The following ANKRD17 variants were observed in gnomAD, a reference collection of about 807,000 sequenced individuals.
ANKRD17 encodes the protein ankyrin repeat domain-containing protein 17.
A neutral mutation model predicts 229.7 loss-of-function variants in ANKRD17; 19 were observed. The observed-to-expected ratio is 0.08, with a 90% CI of 0.06 to 0.12. The LOEUF (loss-of-function observed/expected upper bound fraction) is 0.12, where lower values mean the gene tolerates loss of function less well. Ranked by LOEUF, ANKRD17 falls within the 10% of genes least tolerant of loss-of-function variation. The pLI is 1.00. For missense variants in ANKRD17, 2,176 were observed against 3,176.8 expected, an observed-to-expected ratio of 0.68 and a Z score of 7.57; for synonymous variants, 1,112 against 1,146.1, an observed-to-expected ratio of 0.97 and a Z score of 0.60.
At position 73,154,064 on chromosome 4, in the gene ANKRD17, T is replaced by C. The variant is rs755290010; in HGVS notation, c.1050A>G (p.Val350=). The C allele has an allele frequency of 1.2e-6, 2 of 1,611,952 alleles. No individual in the cohort carries two copies. The highest frequency in any genetic ancestry group is 2.2e-5 in the East Asian group (1 of 44,778). The part of the protein sequence containing the change: ...YACAGGYVDV[V]KVLLESGASI... The stretch of plus-strand genomic sequence containing the variant: ...TAGCACCGGATTCCAAGAGCACCTT[T>C]ACAACATCTACATAGCCTCCAGCAC... The change falls in exon 6 of 34, where the codon GTA becomes GTG. Residue 350 remains valine (V), a synonymous_variant. Transcript: ENST00000358602.
At chr4:73,149,788 T>G (rs1730760241) in intron 7 of ANKRD17, among the ~76,000 whole-genome samples, 1 of 151,984 alleles carries the variant, frequency 6.6e-6, no homozygotes, top group Admixed American at 6.6e-5. Flanking sequence ...TCATTTGAGC[T>G]CAGGAAGTTG....
At chr4:73,161,382 C>G in intron 2 of ANKRD17, 34 bp from the exon 3 acceptor site, 8 of 1,603,976 alleles carry the variant, frequency 5.0e-6, no homozygotes, top group Non-Finnish European at 6.8e-6. Flanking sequence ...TATGGACACA[C>G]CCAAAAGGAG....
At chr4:73,204,934 G>A (rs1739252451) in intron 1 of ANKRD17, among the ~76,000 whole-genome samples, 1 of 151,912 alleles carries the variant, frequency 6.6e-6, no homozygotes, top group African/African-American at 2.4e-5. Context: ...TTTTTTGTGA[G>A]TAAAAATACT....
chr4:73,158,145 AGG>A (rs1731944355), intron 3 of ANKRD17, among the ~76,000 whole-genome samples: 1 of 134,520 alleles, frequency 7.4e-6, no homozygotes, highest in Non-Finnish European at 1.6e-5. Flanking sequence ...AAAGAAAGAA[AGG>A]AAGAAAAAGA....
chr4:73,076,821 T>G, intron 33 of ANKRD17, 119 bp downstream of exon 33: 1 of 1,244,710 alleles, frequency 8.0e-7, no homozygotes, highest in African/African-American at 1.5e-5. Flanking sequence ...CTATATTAGA[T>G]TTCCTCAACT....
intron 3 of ANKRD17, 84 bp from the exon 4 acceptor site, chr4:73,156,250 T>C: frequency 6.9e-7 from 1 of 1,457,654 alleles, no homozygotes; most frequent in Non-Finnish European, 9.1e-7. Context: ...GATTGTTTTG[T>C]TTTTTGTTGT....
intron 22 of ANKRD17, among the ~76,000 whole-genome samples, chr4:73,117,062 CAT>C (rs1328288856): frequency 2.0e-5 from 3 of 151,782 alleles, no homozygotes; most frequent in East Asian, 3.9e-4. Flanking sequence ...AGAGTAATAA[CAT>C]ATAAAAATAT....
intron 1 of ANKRD17, among the ~76,000 whole-genome samples, chr4:73,198,980 A>C (rs1738270191): frequency 6.6e-6 from 1 of 152,206 alleles, no homozygotes; most frequent in Non-Finnish European, 1.5e-5. Context: ...AAAAACTTAA[A>C]CTACTCTTTG....
chr4:73,153,143 G>A (rs1731218058), intron 6 of ANKRD17, among the ~76,000 whole-genome samples: 1 of 152,140 alleles, frequency 6.6e-6, no homozygotes, highest in Admixed American at 6.5e-5. Flanking sequence ...GTTAGTCACT[G>A]AGAATGAGTG....
At chr4:73,084,696 G>A (rs1483540822) in intron 30 of ANKRD17, among the ~76,000 whole-genome samples, 1 of 152,044 alleles carries the variant, frequency 6.6e-6, no homozygotes, top group Admixed American at 6.6e-5. Flanking sequence ...TGATCCACCC[G>A]CCTTGGCCTA....
chr4:73,116,477 G>A (rs1166446964), intron 22 of ANKRD17, among the ~76,000 whole-genome samples: 1 of 151,934 alleles, frequency 6.6e-6, no homozygotes, highest in Non-Finnish European at 1.5e-5. Flanking sequence ...CTTCTTAAAC[G>A]CCATTCCCAC....
At chr4:73,098,692 T>C (rs765920994) in intron 25 of ANKRD17, 172 bp from the exon 26 acceptor site, 24 of 845,904 alleles carry the variant, frequency 2.8e-5, no homozygotes, top group Middle Eastern at 3.3e-4. Context: ...ATACTCTGTG[T>C]ACCCACGTTC....
intron 1 of ANKRD17, among the ~76,000 whole-genome samples, chr4:73,257,592 AT>A (rs1461524310): frequency 6.6e-6 from 1 of 152,228 alleles, no homozygotes; most frequent in African/African-American, 2.4e-5. Flanking sequence ...ACAAATGTAT[AT>A]GGTCATTTGT....
chr4:73,111,797 T>C (rs183896340), intron 24 of ANKRD17, among the ~76,000 whole-genome samples: 63 of 152,332 alleles, frequency 4.1e-4, no homozygotes, highest in Admixed American at 1.2e-3. Context: ...TTAAAAAAAG[T>C]ACACCATCAC....
At chr4:73,102,673 A>G in intron 24 of ANKRD17, 126 bp from the exon 25 acceptor site, 2 of 1,094,924 alleles carry the variant, frequency 1.8e-6, no homozygotes, top group East Asian at 2.5e-5. Context: ...AGTTCAATTC[A>G]TTGTTTTATC....
Position 73,091,961 on chromosome 4 carries a change from C to T in ANKRD17, c.5667G>A (p.Gln1889=), listed in dbSNP as rs1722837237. ...GAGCAGCAAGCAAAGCATGTGCAAA[C>T]TGTGGAGGAGGATATGCTAATGGAA... is the stretch of plus-strand genomic sequence containing the variant. The part of the protein sequence containing the change: ...VSLPLAYPPP[Q]FAHALLAAQT... Residue 1889 remains glutamine, a synonymous_variant, in exon 29 of 34, where the codon CAG becomes CAA. Coordinates refer to ENST00000358602, the MANE Select transcript of ANKRD17 (RefSeq NM_032217.5). 6.2e-7 allele frequency: 1 copy of T among 1,614,178 alleles called. No individual in the cohort carries two copies. The highest frequency in any genetic ancestry group is 8.5e-7 in the Non-Finnish European group (1 of 1,180,036).
intron 29 of ANKRD17, among the ~76,000 whole-genome samples, chr4:73,089,396 C>T (rs929165353): frequency 2.0e-5 from 3 of 151,990 alleles, no homozygotes; most frequent in Non-Finnish European, 4.4e-5. Flanking sequence ...AGGCAGCAGG[C>T]CAAATTTGGC....
intron 20 of ANKRD17, among the ~76,000 whole-genome samples, chr4:73,120,602 T>C (rs1403760560): frequency 1.3e-5 from 2 of 151,324 alleles, no homozygotes; most frequent in Non-Finnish European, 2.9e-5. Flanking sequence ...ACTTGGCATA[T>C]AACTGGTACT....
chr4:73,090,593 T>G, intron 29 of ANKRD17, 74 bp downstream of exon 29: 3 of 1,567,760 alleles, frequency 1.9e-6, no homozygotes, highest in Non-Finnish European at 2.6e-6. Context: ...ATAAAAATAT[T>G]AGAAAATGAC....
Sources: allele counts gnomAD v4.1 joint callset (sites outside exome capture counted in the v4.1 genomes callset), GRCh38; gene constraint gnomAD v4.1.1; transcripts MANE v1.5; gene names NCBI Gene and HGNC (gene_info 2026-07-23, HGNC 2026-07-21).